The following NDST3 variants were observed in gnomAD, a reference collection of about 807,000 sequenced individuals.
The protein encoded by NDST3 is bifunctional heparan sulfate N-deacetylase/N-sulfotransferase 3.
Under a neutral mutation model 96.1 loss-of-function variants are expected in NDST3, and 58 were observed. The observed-to-expected ratio is 0.60, with a 90% confidence interval of 0.49 to 0.75. The LOEUF is 0.75. NDST3 is among the 30% of genes least tolerant of loss of function. NDST3 has a pLI of 0.00. For synonymous variants in NDST3, 333 were observed against 359.7 expected, an observed-to-expected ratio of 0.93 and a Z score of 0.84; for missense variants, 788 against 1,034.2, an observed-to-expected ratio of 0.76 and a Z score of 3.27.
chr4:118,216,097 G>C (rs1739177928), intron 6 of NDST3, among the ~76,000 whole-genome samples: 4 of 152,166 alleles, frequency 2.6e-5, no homozygotes. Flanking sequence ...ATATGTGGAA[G>C]TGAACTAATT....
chr4:118,216,281 G>A (rs532919930), intron 6 of NDST3, among the ~76,000 whole-genome samples: 1 of 152,144 alleles, frequency 6.6e-6, no homozygotes, highest in Admixed American at 6.5e-5. Flanking sequence ...AAATAAGAGG[G>A]TTAAGAGGTT....
chr4:118,143,594 C>G lies in NDST3; in HGVS notation c.1449C>G (p.Thr483=). 1.2e-6 allele frequency: 2 copies of G among 1,609,254 alleles called. No homozygotes were observed. The highest frequency in any genetic ancestry group is 1.7e-6 in the Non-Finnish European group (2 of 1,178,366). The change falls in exon 6 of 14, where the codon ACC becomes ACG. Residue 483 remains threonine, a synonymous_variant. Coordinates refer to ENST00000296499, the MANE Select transcript of NDST3 (RefSeq NM_004784.3). ...PRQTCGLFTH[T]IFYKEYPGGP... ...AAACCTGTGGGCTTTTCACTCACAC[C>G]ATTTTCTACAAAGAATATCCAGGGG...
intron 12 of NDST3, among the ~76,000 whole-genome samples, chr4:118,243,621 T>C (rs1271325323): frequency 6.6e-6 from 1 of 152,252 alleles, no homozygotes; most frequent in African/African-American, 2.4e-5. Context: ...GTTCTGTATC[T>C]TTTTAAGCAT....
chr4:118,211,109 G>A (rs1738765067), intron 6 of NDST3, among the ~76,000 whole-genome samples: 1 of 152,134 alleles, frequency 6.6e-6, no homozygotes, highest in African/African-American at 2.4e-5. Flanking sequence ...CAGGTCTCAG[G>A]AGGATGAGAG....
intron 6 of NDST3, among the ~76,000 whole-genome samples, chr4:118,183,241 C>T (rs1736717659): frequency 6.6e-6 from 1 of 152,196 alleles, no homozygotes; most frequent in African/African-American, 2.4e-5. Context: ...ATCTCATCTG[C>T]AGGCTCTGGA....
intron 2 of NDST3, among the ~76,000 whole-genome samples, chr4:118,066,011 A>T (rs1487825596): frequency 7.2e-6 from 1 of 139,566 alleles, no homozygotes; most frequent in Non-Finnish European, 1.5e-5. Context: ...ACAAAGATCT[A>T]TCCTCAAAAA....
chr4:118,044,101 G>T (rs1276811663), intron 1 of NDST3, among the ~76,000 whole-genome samples: 4 of 152,176 alleles, frequency 2.6e-5, no homozygotes, highest in African/African-American at 9.7e-5. Context: ...TAAGTTACAT[G>T]CCTTTCACTT....
At chr4:118,114,027 G>C (rs1329556650) in intron 3 of NDST3, among the ~76,000 whole-genome samples, 1 of 151,998 alleles carries the variant, frequency 6.6e-6, no homozygotes, top group Non-Finnish European at 1.5e-5. Context: ...AAGGAAAATG[G>C]GAGGAAATAA....
At chr4:118,066,584 A>AATATGTTATATATTATATAT (rs1560619147) in intron 2 of NDST3, among the ~76,000 whole-genome samples, 185 of 8,986 alleles carry the variant, frequency 0.021, 3 homozygotes, top group Admixed American at 0.028. Flanking sequence ...CATTATATAT[A>AATATGTTATATATTATATAT]ACATGTTATA....
intron 6 of NDST3, among the ~76,000 whole-genome samples, chr4:118,177,779 T>G (rs1038502301): frequency 2.6e-5 from 4 of 152,006 alleles, no homozygotes; most frequent in Non-Finnish European, 5.9e-5. Flanking sequence ...AAGGGAAACA[T>G]TCTTATGAGT....
chr4:118,188,785 C>T (rs1737127958), intron 6 of NDST3, among the ~76,000 whole-genome samples: 1 of 152,066 alleles, frequency 6.6e-6, no homozygotes, highest in Non-Finnish European at 1.5e-5. Context: ...GCTTTGAATC[C>T]TTTCATGAAC....
chr4:118,249,594 C>T (rs1367952795), intron 12 of NDST3, among the ~76,000 whole-genome samples: 2 of 152,072 alleles, frequency 1.3e-5, no homozygotes, highest in Non-Finnish European at 2.9e-5. Flanking sequence ...GAGAAACAGG[C>T]TTTACGTAAA....
At chr4:118,056,029 A>G (rs1444904605) in intron 2 of NDST3, among the ~76,000 whole-genome samples, 1 of 151,944 alleles carries the variant, frequency 6.6e-6, no homozygotes, top group African/African-American at 2.4e-5. Flanking sequence ...AAGAAGCTGT[A>G]TTTAAGTTTC....
chr4:118,195,687 T>C (rs897510349), intron 6 of NDST3, among the ~76,000 whole-genome samples: 1 of 152,260 alleles, frequency 6.6e-6, no homozygotes, highest in African/African-American at 2.4e-5. Context: ...ATGCTACTGA[T>C]TTTTGTATGT....
At chr4:118,236,369 T>TTC (rs1740644314) in intron 9 of NDST3, among the ~76,000 whole-genome samples, 1 of 152,226 alleles carries the variant, frequency 6.6e-6, no homozygotes, top group South Asian at 2.1e-4. Flanking sequence ...GTAATTTGAA[T>TTC]TCTCTCTACC....
chr4:118,163,075 G>A (rs1391138480), intron 6 of NDST3, among the ~76,000 whole-genome samples: 125 of 152,230 alleles, frequency 8.2e-4, no homozygotes, highest in Non-Finnish European at 1.5e-3. Flanking sequence ...CAGTTAGAAT[G>A]GCAGTCATTC....
intron 2 of NDST3, among the ~76,000 whole-genome samples, chr4:118,091,193 T>A (rs912054086): frequency 4.0e-5 from 6 of 151,684 alleles, no homozygotes; most frequent in African/African-American, 1.5e-4. Flanking sequence ...TTGGGTACCA[T>A]GCTCATTACC....
chr4:118,083,374 A>G (rs1206992510), intron 2 of NDST3, among the ~76,000 whole-genome samples: 1 of 152,180 alleles, frequency 6.6e-6, no homozygotes, highest in Non-Finnish European at 1.5e-5. Flanking sequence ...AAATAAATAT[A>G]ATACTTAATT....
chr4:118,174,493 A>G lies in NDST3; in HGVS notation c.1539+30809A>G, dbSNP rs540473071. On this transcript the variant is annotated intron_variant, in intron 6 of 13. Transcript: ENST00000296499. Reference sequence around the variant, plus strand: ...GAAATATATATTTATAATTCTGTACAGCTGGCTGGACTGTGAACTAACTAT... The same window carrying G: ...GAAATATATATTTATAATTCTGTACGGCTGGCTGGACTGTGAACTAACTAT... Among the ~76,000 whole-genome samples the G allele has an allele frequency of 2.6e-5, 4 of 152,266 alleles. No homozygotes were observed. The South Asian group carries it at 8.3e-4, about 32-fold the overall frequency.
Sources: allele counts gnomAD v4.1 joint callset (sites outside exome capture counted in the v4.1 genomes callset), GRCh38; gene constraint gnomAD v4.1.1; transcripts MANE v1.5; gene names NCBI Gene and HGNC (gene_info 2026-07-23, HGNC 2026-07-21).